The following DHRS4L2 variants were observed in gnomAD, a reference collection of about 807,000 sequenced individuals.
DHRS4L2 encodes dehydrogenase/reductase SDR family member 4-like 2.
A neutral mutation model predicts 23.9 loss-of-function variants in DHRS4L2; 22 were observed. The ratio of observed to expected loss-of-function variants is 0.92; its 90% CI spans 0.66 to 1.31. The LOEUF (loss-of-function observed/expected upper bound fraction) is 1.31, where lower values mean the gene tolerates loss of function less well. Among genes scored for constraint, DHRS4L2 ranks in the 40% most tolerant of loss-of-function variants. The probability of loss-of-function intolerance (pLI) is 0.00; values close to 1 mark genes in which losing one functional copy is unlikely to be tolerated. For missense variants in DHRS4L2, 385 were observed against 303.3 expected (o/e 1.27, Z -2.00); for synonymous variants, 141 against 123.7 (o/e 1.14, Z -0.93).
intron 1 of DHRS4L2, among the ~76,000 whole-genome samples, chr14:23,977,882 T>C (rs1246113515): frequency 2.0e-5 from 3 of 151,680 alleles, no homozygotes; most frequent in African/African-American, 4.9e-5. Context: ...AAATAAACAC[T>C]GCGTATAACT....
rs1021184551 is a variant in DHRS4L2 at position 23,973,378 on chromosome 14, C to G, written c.-176+3046C>G. Among the ~76,000 whole-genome samples the G allele has an allele frequency of 3.0e-4, 45 of 152,042 alleles. 1 individual carries two copies. The highest frequency in any genetic ancestry group is 2.9e-3 in the Admixed American group (45 of 15,290). On this transcript the variant is annotated intron_variant, in intron 1 of 5. Coordinates refer to the DHRS4L2 transcript ENST00000534993. ...CGCCCATGCCTCTCCCTCCACACCT[C>G]CCTGCAATCTGAGGAAGCCAGCTCC...
intron 3 of DHRS4L2, among the ~76,000 whole-genome samples, chr14:24,000,397 G>A (rs2034462341): frequency 6.6e-6 from 1 of 150,844 alleles, no homozygotes; most frequent in African/African-American, 2.4e-5. Flanking sequence ...CTTCCTAGAG[G>A]GCCAAGAACA....
chr14:23,986,668 T>C (rs1204021144), upstream of DHRS4L2, among the ~76,000 whole-genome samples: 1 of 151,544 alleles, frequency 6.6e-6, no homozygotes, highest in Non-Finnish European at 1.5e-5. Flanking sequence ...TCTTCCTCAC[T>C]TTCCTGGAAC....
intron 3 of DHRS4L2, among the ~76,000 whole-genome samples, chr14:23,995,994 G>A (rs1025781388): frequency 1.3e-5 from 2 of 151,784 alleles, no homozygotes; most frequent in African/African-American, 4.8e-5. Flanking sequence ...CATGGTGCCA[G>A]TATCTGCTTC....
intron 2 of DHRS4L2, among the ~76,000 whole-genome samples, chr14:23,994,731 G>C (rs1357095434): frequency 1.3e-5 from 2 of 151,754 alleles, no homozygotes; most frequent in African/African-American, 4.8e-5. Flanking sequence ...GCAGATCTTA[G>C]GGTAGTTTTC....
upstream of DHRS4L2, among the ~76,000 whole-genome samples, chr14:23,987,584 C>A (rs150763209): frequency 1.3e-4 from 20 of 151,780 alleles, 1 homozygote; most frequent in Admixed American, 2.0e-4. Context: ...ATAAGGCTGC[C>A]AAACTGGTGA....
Position 24,003,898 on chromosome 14 carries a change from T to A in DHRS4L2, c.666-439T>A, listed in dbSNP as rs1378404663. Among the ~76,000 whole-genome samples the A allele has an allele frequency of 2.7e-5, 2 of 74,136 alleles. 1 individual carries two copies. The highest frequency in any genetic ancestry group is 3.9e-4 in the African/African-American group (2 of 5,076). The allele number at this position is 74,136 out of a possible 152,430, so 48.6% of individuals were successfully genotyped here. A position where few individuals can be genotyped will look rare whatever the true frequency, so the allele number is the denominator to read the frequency against. ...GAGATTTTGGGCTGAGACGATGGGGTTTTCTAGATAAACAATCATGTCGTC... is the reference window on the plus strand; with the variant it reads ...GAGATTTTGGGCTGAGACGATGGGGATTTCTAGATAAACAATCATGTCGTC... On this transcript the variant is annotated intron_variant, in intron 6 of 7. Coordinates refer to ENST00000335125, the MANE Select transcript of DHRS4L2 (RefSeq NM_198083.4).
At chr14:23,990,133 C>T (rs1324728767) in intron 1 of DHRS4L2, 49 bp from the exon 2 acceptor site, 1 of 1,602,052 alleles carries the variant, frequency 6.2e-7, no homozygotes, top group African/African-American at 1.3e-5. Context: ...TGCTGTCGAC[C>T]TCTTCCCCTG....
At chr14:24,004,675 C>G in intron 7 of DHRS4L2, 1 of 602,054 alleles carries the variant, frequency 1.7e-6, no homozygotes, top group East Asian at 3.3e-5. Context: ...CACCTCTGAG[C>G]ATCCATGGAG....
At chr14:23,970,644 C>G (rs142575658) in intron 1 of DHRS4L2, among the ~76,000 whole-genome samples, 1 of 152,000 alleles carries the variant, frequency 6.6e-6, no homozygotes, top group Non-Finnish European at 1.5e-5. Flanking sequence ...GTTCGTGCTC[C>G]GATAACGGAC....
rs1290569093 is a variant in DHRS4L2 at position 24,006,140 on chromosome 14, C to G, written c.*277C>G. The G allele has an allele frequency of 1.5e-6, 2 of 1,316,756 alleles. No homozygotes were observed. The highest frequency in any genetic ancestry group is 2.7e-5 in the East Asian group (1 of 37,198). The allele number at this position is 1,316,756 out of a possible 1,614,324, so 81.6% of individuals were successfully genotyped here. A position where few individuals can be genotyped will look rare whatever the true frequency, so the allele number is the denominator to read the frequency against. ...AGTTCTGCCCTGTGAAAAGATCCAG[C>G]CTTCCCTGCCGTCAAGGTGGCGTCT... is the stretch of plus-strand genomic sequence containing the variant. On this transcript the variant is annotated 3_prime_UTR_variant, in exon 8 of 8. Coordinates refer to ENST00000335125, the MANE Select transcript of DHRS4L2 (RefSeq NM_198083.4).
intron 1 of DHRS4L2, among the ~76,000 whole-genome samples, chr14:23,970,512 C>T (rs886833573): frequency 5.3e-5 from 8 of 152,070 alleles, no homozygotes; most frequent in African/African-American, 1.9e-4. Context: ...AGGCCTACTG[C>T]CTCTCCAGAT....
At chr14:23,993,243 C>A (rs2034304859) in intron 2 of DHRS4L2, among the ~76,000 whole-genome samples, 1 of 151,700 alleles carries the variant, frequency 6.6e-6, no homozygotes, top group African/African-American at 2.4e-5. Flanking sequence ...ACCCAGGTGA[C>A]TTGGCTTTGT....
chr14:24,001,348 A>C, intron 5 of DHRS4L2, 36 bp from the exon 6 acceptor site: 2 of 1,592,682 alleles, frequency 1.3e-6, no homozygotes, highest in East Asian at 2.3e-5. Context: ...AATGACCTGG[A>C]AACTATGAGT....
chr14:23,992,802 C>T (rs2034297152), intron 2 of DHRS4L2, among the ~76,000 whole-genome samples: 1 of 148,728 alleles, frequency 6.7e-6, no homozygotes, highest in African/African-American at 2.5e-5. Flanking sequence ...CCTCCCACCT[C>T]AGCCTCCCAA....
intron 6 of DHRS4L2, among the ~76,000 whole-genome samples, chr14:24,004,122 T>C (rs2034523415): frequency 6.8e-6 from 1 of 146,358 alleles, no homozygotes; most frequent in Non-Finnish European, 1.5e-5. Context: ...TACAAAAAAT[T>C]AGCCGGGCGC....
At chr14:23,982,102 C>T (rs1260423062) in intron 1 of DHRS4L2, among the ~76,000 whole-genome samples, 3 of 151,652 alleles carry the variant, frequency 2.0e-5, no homozygotes, top group Non-Finnish European at 2.9e-5. Flanking sequence ...GGTCAGGGCT[C>T]TCCCATCCCA....
Position 24,005,873 on chromosome 14 carries a change from C to G in DHRS4L2, c.*23-13C>G. 1 of 1,609,806 alleles carries G rather than the reference C, an allele frequency of 6.2e-7. No individual in the cohort carries two copies. On this transcript the variant is annotated splice_polypyrimidine_tract_variant and intron_variant, in intron 7 of 7. Transcript: ENST00000335125. Reference sequence around the variant, plus strand: ...TGATTTTTACCTCCTTCCTTGCTTCCCTTATTCCCCAGGTTAGGCGAGCCA... The same window carrying G: ...TGATTTTTACCTCCTTCCTTGCTTCGCTTATTCCCCAGGTTAGGCGAGCCA...
intron 2 of DHRS4L2, chr14:23,990,670 T>A: frequency 8.7e-7 from 1 of 1,149,280 alleles, no homozygotes; most frequent in Non-Finnish European, 1.1e-6. Flanking sequence ...CATGAGCTAA[T>A]AAACATTCCC....
Sources: gnomAD v4.1 joint callset for allele counts (sites outside exome capture counted in the v4.1 genomes callset) on GRCh38, gnomAD v4.1.1 for gene constraint, MANE v1.5 for transcripts, NCBI Gene and HGNC (gene_info 2026-07-23, HGNC 2026-07-21) for gene names.